Variants in TG observed in about 807,000 individuals in gnomAD.
The protein encoded by TG is thyroglobulin.
TG carries 270 observed loss-of-function variants against 324.7 expected under a neutral mutation model. The observed-to-expected ratio is 0.83, with a 90% confidence interval of 0.75 to 0.92. The LOEUF (loss-of-function observed/expected upper bound fraction) is 0.92, where lower values mean the gene tolerates loss of function less well. Among genes scored for constraint, TG ranks in the 40% least tolerant of loss-of-function variants. TG has a pLI of 0.00. For missense variants in TG, 3,591 were observed against 3,456.4 expected (o/e 1.04, Z -0.98); for synonymous variants, 1,401 against 1,327.0 (o/e 1.06, Z -1.21).
chr8:133,033,809 T>C (rs1258962377), intron 41 of TG, among the ~76,000 whole-genome samples: 2 of 152,242 alleles, frequency 1.3e-5, no homozygotes, highest in African/African-American at 4.8e-5. Context: ...GTGAAAACAC[T>C]TATATGTAGC....
At chr8:133,109,769 C>T (rs139824043) in intron 43 of TG, among the ~76,000 whole-genome samples, 3 of 152,284 alleles carry the variant, frequency 2.0e-5, no homozygotes, top group East Asian at 1.9e-4. Flanking sequence ...GTGCTGACCT[C>T]GGCTACTCCC....
chr8:133,120,899 G>A (rs1851090828), intron 45 of TG, among the ~76,000 whole-genome samples: 1 of 152,204 alleles, frequency 6.6e-6, no homozygotes, highest in Admixed American at 6.5e-5. Flanking sequence ...ACCTTGGATT[G>A]GGGTGGTCCT....
rs149965210 is a variant in TG at position 132,953,647 on chromosome 8, T to A, written c.5401+4704T>A. 9.6e-3 allele frequency among the ~76,000 whole-genome samples: 1,468 copies of A among 152,328 alleles called. 19 individuals are homozygous for A. Among genetic ancestry groups the A allele is most frequent in the Middle Eastern group, 0.031 (9 of 294 alleles). ...CCACGAAACACCTGGAGGCTATTTT[T>A]ATCTAATTTGGAGACACAGCACCTT... On this transcript the variant is annotated intron_variant, in intron 27 of 47. Transcript: ENST00000220616.
Position 132,898,056 on chromosome 8 carries a change from G to T in TG, c.3140-113G>T, listed in dbSNP as rs1337741906. On this transcript the variant is annotated intron_variant, in intron 12 of 47. Transcript: ENST00000220616. The stretch of plus-strand genomic sequence containing the variant: ...CGGCTGGGGGTCTAGACTGGGGACA[G>T]AAGGCGACCAGGCTTGCACTGCTAT... The T allele has an allele frequency of 2.7e-6, 3 of 1,114,928 alleles. No individual in the cohort carries two copies. The East Asian group carries it at 7.7e-5, about 29-fold the overall frequency. The allele number at this position is 1,114,928 out of a possible 1,614,324, so 69.1% of individuals were successfully genotyped here. A position where few individuals can be genotyped will look rare whatever the true frequency, so the allele number is the denominator to read the frequency against.
chr8:132,948,363 G>A (rs1825648875), intron 26 of TG, among the ~76,000 whole-genome samples: 1 of 152,070 alleles, frequency 6.6e-6, no homozygotes, highest in South Asian at 2.1e-4. Context: ...TGGGAAATGA[G>A]GCAGAAGGGG....
At chr8:132,958,413 T>C (rs894692494) in intron 27 of TG, among the ~76,000 whole-genome samples, 2 of 152,132 alleles carry the variant, frequency 1.3e-5, no homozygotes, top group African/African-American at 2.4e-5. Flanking sequence ...AGTATATCAA[T>C]AGATTTGGGT....
chr8:133,071,146 A>T (rs1298999928), intron 41 of TG, among the ~76,000 whole-genome samples: 2 of 152,168 alleles, frequency 1.3e-5, no homozygotes, highest in Non-Finnish European at 2.9e-5. Flanking sequence ...GTGTACAACA[A>T]CAGGAGAGGG....
At chr8:132,965,944 G>A (rs1177415749) in intron 29 of TG, among the ~76,000 whole-genome samples, 1 of 152,202 alleles carries the variant, frequency 6.6e-6, no homozygotes, top group African/African-American at 2.4e-5. Flanking sequence ...ACTCCAGGAA[G>A]AGCTGGGATC....
intron 45 of TG, among the ~76,000 whole-genome samples, chr8:133,122,432 C>T (rs1377114374): frequency 6.6e-6 from 1 of 152,176 alleles, no homozygotes; most frequent in Non-Finnish European, 1.5e-5. Flanking sequence ...CAGATTACTT[C>T]CCCGTCCCTG....
chr8:133,013,511 G>GTGGATGGTTGGA (rs1284011741), intron 36 of TG, 89 bp from the exon 37 acceptor site: 11 of 1,513,990 alleles, frequency 7.3e-6, no homozygotes, highest in Middle Eastern at 1.7e-4. Context: ...GGGTGGATGA[G>GTGGATGGTTGGA]TGGATGGTTG....
chr8:133,030,055 CT>C (rs760645845), intron 41 of TG, 32 bp downstream of exon 41: 22 of 1,613,616 alleles, frequency 1.4e-5, no homozygotes, highest in Middle Eastern at 1.7e-4. Context: ...TTCAGTCTTA[CT>C]GCAGATGCGG....
intron 10 of TG, 55 bp downstream of exon 10, chr8:132,888,623 A>C (rs201365841): frequency 5.2e-6 from 4 of 769,768 alleles, no homozygotes; most frequent in Non-Finnish European, 6.9e-6. Context: ...GTGTGTGTGT[A>C]TGTGTGTTTA....
Position 133,095,123 on chromosome 8 carries a change from T to A in TG, c.7319T>A (p.Val2440Asp), listed in dbSNP as rs1848207535. 1 of 1,613,920 alleles carries A rather than the reference T, an allele frequency of 6.2e-7. No homozygotes were observed. The highest frequency in any genetic ancestry group is 8.5e-7 in the Non-Finnish European group (1 of 1,180,024). Reference protein sequence around the residue: ...QQQAIALAKEVSCPMSSSQEV... With the variant: ...QQQAIALAKEDSCPMSSSQEV... ...CAGGCAATTGCTTTGGCAAAGGAGG[T>A]CAGTTGCCCCATGTCATCCAGCCAA... Residue 2440 changes from valine to aspartate, a missense_variant, in exon 42 of 48, where the codon GTC becomes GAC. Coordinates refer to ENST00000220616, the MANE Select transcript of TG (RefSeq NM_003235.5).
chr8:132,951,636 G>A (rs1413930097), intron 27 of TG, among the ~76,000 whole-genome samples: 1 of 152,086 alleles, frequency 6.6e-6, no homozygotes, highest in African/African-American at 2.4e-5. Context: ...GTGTATTGTG[G>A]GTGAGGGCAA....
chr8:133,084,121 G>A (rs1318981095), intron 41 of TG, among the ~76,000 whole-genome samples: 1 of 152,160 alleles, frequency 6.6e-6, no homozygotes, highest in African/African-American at 2.4e-5. Flanking sequence ...TGCTGGTCAA[G>A]AGCTGGCCCA....
chr8:133,074,177 A>G (rs1227211839), intron 41 of TG, among the ~76,000 whole-genome samples: 1 of 152,126 alleles, frequency 6.6e-6, no homozygotes, highest in Non-Finnish European at 1.5e-5. Context: ...TATATACTTC[A>G]CATGTTTGCC....
At chr8:132,964,085 C>T (rs997952729) in intron 29 of TG, among the ~76,000 whole-genome samples, 6 of 151,954 alleles carry the variant, frequency 3.9e-5, no homozygotes, top group Non-Finnish European at 7.4e-5. Context: ...TTGTGATCCT[C>T]AACCTCGGCA....
chr8:132,967,076 C>T (rs1269631305), intron 30 of TG, among the ~76,000 whole-genome samples: 1 of 147,398 alleles, frequency 6.8e-6, no homozygotes, highest in Non-Finnish European at 1.5e-5. Context: ...CCCATTCATC[C>T]GTCCATCTTT....
intron 43 of TG, chr8:133,102,703 A>T: frequency 2.6e-6 from 2 of 784,200 alleles, no homozygotes; most frequent in Non-Finnish European, 4.3e-6. Context: ...GGTGAAATTG[A>T]CAGTCTGCCT....
Sources: gnomAD v4.1 joint callset for allele counts (sites outside exome capture counted in the v4.1 genomes callset) on GRCh38, gnomAD v4.1.1 for gene constraint, MANE v1.5 for transcripts, NCBI Gene and HGNC (gene_info 2026-07-23, HGNC 2026-07-21) for gene names.